Variants in TVP23A observed in about 807,000 individuals in gnomAD.
TVP23A encodes the protein trans-golgi network vesicle protein 23 homolog A, also known as Golgi apparatus membrane protein TVP23 homolog A.
TVP23A carries 21 observed loss-of-function variants against 31.7 expected under a neutral mutation model. The observed-to-expected ratio is 0.66, with a 90% CI of 0.47 to 0.95. The LOEUF (loss-of-function observed/expected upper bound fraction) is 0.95, where lower values mean the gene tolerates loss of function less well. Among genes scored for constraint, TVP23A ranks in the 40% least tolerant of loss-of-function variants. TVP23A has a pLI of 0.00. For missense variants in TVP23A, 279 were observed against 255.6 expected (o/e 1.09, Z -0.62); for synonymous variants, 104 against 96.0 (o/e 1.08, Z -0.49).
intron 2 of TVP23A, among the ~76,000 whole-genome samples, chr16:10,812,213 G>A (rs1047276323): frequency 6.6e-6 from 1 of 152,192 alleles, no homozygotes; most frequent in Non-Finnish European, 1.5e-5. Flanking sequence ...AAATACCATG[G>A]TTATCACACC....
chr16:10,775,643 G>A (rs1056314260), intron 2 of TVP23A: 2 of 725,910 alleles, frequency 2.8e-6, no homozygotes, highest in Non-Finnish European at 3.4e-6. Context: ...ATTTAATCTA[G>A]GGGAAGGTGG....
rs553966843 is a variant in TVP23A, at chr16:10,779,622, T to C, written c.90-4526A>G. Among the ~76,000 whole-genome samples the C allele has an allele frequency of 7.1e-4, 108 of 152,348 alleles. No individual in the cohort carries two copies. Among genetic ancestry groups the C allele is most frequent in the Middle Eastern group, 3.4e-3 (1 of 294 alleles). Reference sequence around the variant, plus strand: ...CAACTGAGAATCAGGCGGCATATTCTTGTGGCCCAAAAACGAGATGCAGAT... The same window carrying C: ...CAACTGAGAATCAGGCGGCATATTCCTGTGGCCCAAAAACGAGATGCAGAT... On this transcript the variant is annotated intron_variant, in intron 2 of 7. Coordinates refer to ENST00000299866, the MANE Select transcript of TVP23A (RefSeq NM_001079512.4). This position sits in a 1 kb window ranked among gnomAD's most constrained non-coding sequence, Gnocchi z 4.9.
chr16:10,818,746 C>A lies in TVP23A; in HGVS notation c.-253G>T, dbSNP rs1567326345. 6.1e-6 allele frequency: 3 copies of A among 489,370 alleles called. No homozygotes were observed. In the East Asian group the frequency reaches 1.1e-4, roughly 18 times the overall value. The allele number at this position is 489,370 out of a possible 1,614,324, so 30.3% of individuals were successfully genotyped here. ...ACGCGCCCAGGAGAGAAAGCGGCGGCAGGGAGGCAACGGCCTGGGGAACTG... is the reference window on the plus strand; with the variant it reads ...ACGCGCCCAGGAGAGAAAGCGGCGGAAGGGAGGCAACGGCCTGGGGAACTG... On this transcript the variant is annotated 5_prime_UTR_variant, in exon 1 of 8. Coordinates refer to ENST00000299866, the MANE Select transcript of TVP23A (RefSeq NM_001079512.4). This position sits in a 1 kb window ranked among gnomAD's most constrained non-coding sequence, Gnocchi z 4.7.
chr16:10,771,445 G>C (rs1163052514), intron 6 of TVP23A, among the ~76,000 whole-genome samples: 3 of 152,148 alleles, frequency 2.0e-5, no homozygotes, highest in Non-Finnish European at 2.9e-5. Flanking sequence ...TGAGGTGGGA[G>C]GATCGCTTGA....
At chr16:10,775,286 T>C (rs771691192) in intron 2 of TVP23A, 190 bp from the exon 3 acceptor site, 32 of 1,415,682 alleles carry the variant, frequency 2.3e-5, no homozygotes, top group Non-Finnish European at 2.8e-5. Flanking sequence ...CCCCAGACAG[T>C]CATGCTGACA....
At chr16:10,778,457 T>A (rs2032212813) in intron 2 of TVP23A, among the ~76,000 whole-genome samples, 1 of 152,194 alleles carries the variant, frequency 6.6e-6, no homozygotes, top group African/African-American at 2.4e-5. Context: ...TAAAATTTTG[T>A]CCCTTGCCCC....
At chr16:10,781,484 G>A (rs910210562) in intron 2 of TVP23A, among the ~76,000 whole-genome samples, 1 of 152,146 alleles carries the variant, frequency 6.6e-6, no homozygotes, top group Non-Finnish European at 1.5e-5. Flanking sequence ...ATGCAGCTCT[G>A]GGCCCTTGTC....
intron 2 of TVP23A, among the ~76,000 whole-genome samples, chr16:10,809,707 G>A (rs563142361): frequency 3.3e-5 from 5 of 152,250 alleles, no homozygotes; most frequent in African/African-American, 1.2e-4. Flanking sequence ...CTGTGGGGGT[G>A]CAGTCACTTG....
chr16:10,818,139 T>C lies in TVP23A; in HGVS notation c.53A>G (p.Asn18Ser), dbSNP rs1383792603. The change falls in exon 2 of 8, where the codon AAC becomes AGC. Residue 18 changes from asparagine to serine, a missense_variant. Transcript: ENST00000299866. The surrounding 1 kb of genome is among the most constrained non-coding windows in gnomAD (Gnocchi z 4.7). ...DTEDVSLDFG[N>S]EEELAFRKAK... The stretch of plus-strand genomic sequence containing the variant: ...TTTCCTAAAGGCCAGCTCCTCCTCG[T>C]TTCCAAAGTCCAGGGACACATCCTC... 1.2e-6 allele frequency: 2 copies of C among 1,609,352 alleles called. No homozygotes were observed. The highest frequency in any genetic ancestry group is 4.5e-5 in the East Asian group (2 of 44,786).
In TVP23A at chr16:10,773,538, G is replaced by A. The variant is rs547901515; in HGVS notation, c.325-97C>T. 31 of 1,398,662 alleles carry A rather than the reference G, an allele frequency of 2.2e-5. No individual in the cohort carries two copies. The African/African-American group carries it at 4.0e-4, about 18-fold the overall frequency. The allele number at this position is 1,398,662 out of a possible 1,614,324, so 86.6% of individuals were successfully genotyped here. On this transcript the variant is annotated intron_variant, in intron 4 of 7. Coordinates refer to ENST00000299866, the MANE Select transcript of TVP23A (RefSeq NM_001079512.4). ...TTTATTTTATTTTGCAGATGCTTTT[G>A]TTGCTGTGGGATTTTTTGTTGTTGG...
chr16:10,802,466 G>T (rs2033748227), intron 2 of TVP23A, among the ~76,000 whole-genome samples: 1 of 151,996 alleles, frequency 6.6e-6, no homozygotes, highest in African/African-American at 2.4e-5. Context: ...TTTTAGTAGA[G>T]ACGGGGTTTT....
downstream of TVP23A, chr16:10,761,852 G>A (rs1440277576): frequency 5.6e-6 from 9 of 1,612,930 alleles, no homozygotes; most frequent in South Asian, 5.5e-5. Context: ...CCCTGGATCC[G>A]CTCATAGGTG....
downstream of TVP23A, among the ~76,000 whole-genome samples, chr16:10,759,571 C>T (rs1321506420): frequency 3.9e-5 from 6 of 152,148 alleles, no homozygotes; most frequent in East Asian, 1.9e-4. This position sits in a 1 kb window ranked among gnomAD's most constrained non-coding sequence, Gnocchi z 4.7. Context: ...GTCAGGAGTT[C>T]GAGACCAGAC....
downstream of TVP23A, among the ~76,000 whole-genome samples, chr16:10,764,001 A>G (rs1339525245): frequency 6.6e-6 from 1 of 151,952 alleles, no homozygotes; most frequent in African/African-American, 2.4e-5. Context: ...AACTCAAAGG[A>G]GCATCTCAGC....
intron 2 of TVP23A, among the ~76,000 whole-genome samples, chr16:10,802,521 C>A (rs558629920): frequency 6.6e-6 from 1 of 152,210 alleles, no homozygotes; most frequent in Admixed American, 6.5e-5. Flanking sequence ...CTCAAGCGAT[C>A]CTCTCGCCTC....
At position 10,774,025 on chromosome 16, in the gene TVP23A, G is replaced by C. The variant is rs199873122; in HGVS notation, c.324+14C>G. ...ATCCCCGCTCTGGTTAGTTCAGCTC[G>C]TCATGGAGAATACCTTCCTGGCTTC... is the stretch of plus-strand genomic sequence containing the variant. On this transcript the variant is annotated intron_variant, in intron 4 of 7. Coordinates refer to ENST00000299866, the MANE Select transcript of TVP23A (RefSeq NM_001079512.4). 3.1e-6 allele frequency: 5 copies of C among 1,601,960 alleles called. No homozygotes were observed. Among genetic ancestry groups the C allele is most frequent in the Non-Finnish European group, 4.3e-6 (5 of 1,172,438 alleles).
At chr16:10,812,188 A>G (rs887397034) in intron 2 of TVP23A, among the ~76,000 whole-genome samples, 7 of 152,042 alleles carry the variant, frequency 4.6e-5, no homozygotes, top group African/African-American at 1.7e-4. Context: ...GGATATGCCA[A>G]TCTACACCAC....
downstream of TVP23A, chr16:10,763,530 A>C (rs576756695): frequency 6.6e-6 from 1 of 152,262 alleles, no homozygotes; most frequent in Non-Finnish European, 1.5e-5. Flanking sequence ...TGCTTTCTCA[A>C]CCTTCCCCAG....
Position 10,773,339 on chromosome 16 carries a change from A to C in TVP23A, c.427T>G (p.Leu143Val). ...AGCCACTTTAGCTTCAAGGAAAATAAGGTGCTAAAAAAAAACACAATCCAT... is the reference window on the plus strand; with the variant it reads ...AGCCACTTTAGCTTCAAGGAAAATACGGTGCTAAAAAAAAACACAATCCAT... ...MIWIVFFFSTLFSLKLKWLAL... is the reference protein window; with the variant it reads ...MIWIVFFFSTVFSLKLKWLAL... The change falls in exon 5 of 8, where the codon TTA (leucine) becomes GTA (valine). Residue 143 changes from leucine to valine, a missense_variant. Leu to Val is a conservative substitution (Grantham distance 32). Coordinates refer to ENST00000299866, the MANE Select transcript of TVP23A (RefSeq NM_001079512.4). 6.8e-6 allele frequency: 11 copies of C among 1,609,014 alleles called. No homozygotes were observed. The highest frequency in any genetic ancestry group is 9.3e-6 in the Non-Finnish European group (11 of 1,178,726).
Sources: allele counts gnomAD v4.1 joint callset (sites outside exome capture counted in the v4.1 genomes callset), GRCh38; gene constraint gnomAD v4.1.1; non-coding constraint Gnocchi (gnomAD v3.1); transcripts MANE v1.5; gene names NCBI Gene and HGNC (gene_info 2026-07-23, HGNC 2026-07-21).